Variants in HNF4G observed in about 807,000 individuals in gnomAD.
HNF4G encodes hepatocyte nuclear factor 4 gamma, also known as hepatocyte nuclear factor 4-gamma.
A neutral mutation model predicts 50.9 loss-of-function variants in HNF4G; 21 were observed. The observed-to-expected ratio is 0.41, with a 90% CI of 0.29 to 0.59. HNF4G has a LOEUF of 0.59. HNF4G is among the 20% of genes least tolerant of loss of function. The probability of loss-of-function intolerance (pLI) is 0.26; values close to 1 mark genes in which losing one functional copy is unlikely to be tolerated. For synonymous variants in HNF4G, 198 were observed against 185.6 expected, an observed-to-expected ratio of 1.07 and a Z score of -0.54; for missense variants, 527 against 559.4, an observed-to-expected ratio of 0.94 and a Z score of 0.58.
At chr8:75,462,840 TCTC>T (rs1309204630) in intron 1 of HNF4G, among the ~76,000 whole-genome samples, 7 of 152,084 alleles carry the variant, frequency 4.6e-5, no homozygotes, top group African/African-American at 7.2e-5. Context: ...TGTTGTTCCT[TCTC>T]CTTCATTTTT....
chr8:75,425,325 C>T (rs1384270903), intron 1 of HNF4G, among the ~76,000 whole-genome samples: 1 of 151,492 alleles, frequency 6.6e-6, no homozygotes, highest in East Asian at 1.9e-4. Flanking sequence ...CTCAAGTGAT[C>T]CTCTCGCCTT....
intron 1 of HNF4G, among the ~76,000 whole-genome samples, chr8:75,477,372 CGTT>C (rs1164322918): frequency 6.6e-6 from 1 of 152,022 alleles, no homozygotes; most frequent in East Asian, 1.9e-4. Flanking sequence ...TTATCAATAT[CGTT>C]GTCTATTGGA....
At chr8:75,523,062 A>G (rs550946542) in intron 2 of HNF4G, among the ~76,000 whole-genome samples, 2 of 152,062 alleles carry the variant, frequency 1.3e-5, no homozygotes, top group African/African-American at 4.8e-5. Flanking sequence ...CATCTCTACT[A>G]AAAATACAGA....
intron 2 of HNF4G, among the ~76,000 whole-genome samples, chr8:75,520,645 C>T (rs1379770835): frequency 2.0e-5 from 3 of 151,934 alleles, no homozygotes; most frequent in Admixed American, 6.6e-5. Context: ...GCCACGATGC[C>T]CAGGCTGGTC....
At chr8:75,533,031 T>A (rs1467877014) in intron 2 of HNF4G, among the ~76,000 whole-genome samples, 1 of 152,028 alleles carries the variant, frequency 6.6e-6, no homozygotes, top group Non-Finnish European at 1.5e-5. Flanking sequence ...CAGGGATTTT[T>A]CTCTATTTTT....
intron 1 of HNF4G, among the ~76,000 whole-genome samples, chr8:75,421,114 T>C (rs1181386179): frequency 2.0e-5 from 3 of 152,226 alleles, no homozygotes; most frequent in Admixed American, 6.5e-5. Flanking sequence ...CATTTCAATG[T>C]ATAGCCAATA....
chr8:75,474,301 AC>A (rs1055489005), intron 1 of HNF4G, among the ~76,000 whole-genome samples: 2 of 152,228 alleles, frequency 1.3e-5, no homozygotes, highest in African/African-American at 4.8e-5. Flanking sequence ...TGTGTTAGTA[AC>A]AAGAGACACT....
chr8:75,527,834 G>A (rs1806224275), intron 2 of HNF4G, among the ~76,000 whole-genome samples: 1 of 152,042 alleles, frequency 6.6e-6, no homozygotes, highest in African/African-American at 2.4e-5. Context: ...TCTATATTAG[G>A]ATTTCTCCTT....
chr8:75,483,298 T>C (rs1415162958), intron 1 of HNF4G, among the ~76,000 whole-genome samples: 2 of 152,136 alleles, frequency 1.3e-5, no homozygotes, highest in Non-Finnish European at 2.9e-5. Flanking sequence ...CAAGGGATGG[T>C]TACTTTCTCT....
At chr8:75,475,961 G>T (rs997632914) in intron 1 of HNF4G, among the ~76,000 whole-genome samples, 5 of 151,916 alleles carry the variant, frequency 3.3e-5, no homozygotes, top group Non-Finnish European at 7.4e-5. Context: ...TTTTTATTAT[G>T]AATTTGGGGC....
At chr8:75,510,514 C>T (rs1162051824) in intron 2 of HNF4G, among the ~76,000 whole-genome samples, 1 of 152,110 alleles carries the variant, frequency 6.6e-6, no homozygotes, top group Non-Finnish European at 1.5e-5. Flanking sequence ...TGGTAGGTGC[C>T]CTTGACAAGA....
At chr8:75,495,053 A>G (rs1173650205) in intron 2 of HNF4G, among the ~76,000 whole-genome samples, 1 of 152,174 alleles carries the variant, frequency 6.6e-6, no homozygotes, top group Non-Finnish European at 1.5e-5. Context: ...AAGACAGAAT[A>G]AGATGAATAT....
At chr8:75,448,426 T>TAA (rs71567113) in intron 1 of HNF4G, among the ~76,000 whole-genome samples, 1 of 11,736 alleles carries the variant, frequency 8.5e-5, no homozygotes, top group Non-Finnish European at 1.6e-4. Flanking sequence ...ACTTAAAGTA[T>TAA]AAAAAAAAAA....
At chr8:75,448,516 A>G (rs1049814517) in intron 1 of HNF4G, among the ~76,000 whole-genome samples, 23 of 150,872 alleles carry the variant, frequency 1.5e-4, no homozygotes, top group Non-Finnish European at 3.0e-4. Flanking sequence ...ATACCTTAAA[A>G]AAAAAAAGAA....
At chr8:75,563,910 AG>A in intron 9 of HNF4G, 64 bp from the exon 10 acceptor site, 1 of 1,569,320 alleles carries the variant, frequency 6.4e-7, no homozygotes, top group Non-Finnish European at 8.7e-7. Flanking sequence ...GGTGTTATGT[AG>A]GGTTTAATGG....
At chr8:75,474,702 T>C (rs996711329) in intron 1 of HNF4G, among the ~76,000 whole-genome samples, 1 of 152,092 alleles carries the variant, frequency 6.6e-6, no homozygotes. Context: ...TATTTTTTAA[T>C]ACAAATAATA....
Position 75,470,323 on chromosome 8 carries a change from TC to T in HNF4G, c.-143-19765del, listed in dbSNP as rs2130630475. On this transcript the variant is annotated intron_variant, in intron 1 of 10. Coordinates refer to the HNF4G transcript ENST00000354370. ...ATAAAGTGTAAAGAAGAAAATATAA[TC>T]ACTGTTCTTGGCTTAAGAGAATACA... 2.0e-5 allele frequency among the ~76,000 whole-genome samples: 3 copies of T among 152,360 alleles called. No homozygotes were observed. In the East Asian group the frequency reaches 5.8e-4, roughly 29 times the overall value.
At chr8:75,443,636 C>T (rs958719339) in intron 1 of HNF4G, among the ~76,000 whole-genome samples, 1 of 152,134 alleles carries the variant, frequency 6.6e-6, no homozygotes, top group African/African-American at 2.4e-5. Context: ...GTGGGGATTA[C>T]AGGCATGTGC....
At chr8:75,521,167 G>A (rs1269557790) in intron 2 of HNF4G, among the ~76,000 whole-genome samples, 1 of 152,136 alleles carries the variant, frequency 6.6e-6, no homozygotes, top group Non-Finnish European at 1.5e-5. Flanking sequence ...TGTATTTGGA[G>A]ATTAATCAGA....
Sources: gnomAD v4.1 joint callset for allele counts (sites outside exome capture counted in the v4.1 genomes callset) on GRCh38, gnomAD v4.1.1 for gene constraint, MANE v1.5 for transcripts, NCBI Gene and HGNC (gene_info 2026-07-23, HGNC 2026-07-21) for gene names.